Variants in LRP1B observed in about 807,000 individuals in gnomAD.
The protein encoded by LRP1B is low-density lipoprotein receptor-related protein 1B.
LRP1B carries 217 observed loss-of-function variants against 556.6 expected under a neutral mutation model. The ratio of observed to expected loss-of-function variants is 0.39; its 90% CI spans 0.35 to 0.44. The LOEUF is 0.44. LRP1B is among the 20% of genes least tolerant of loss of function. The pLI, the probability that LRP1B is intolerant of heterozygous loss-of-function variation, is 1.00. For missense variants in LRP1B, 5,053 were observed against 5,620.8 expected (o/e 0.90, Z 3.23); for synonymous variants, 2,047 against 1,865.8 (o/e 1.10, Z -2.50).
At chr2:140,581,694 C>T (rs917970590) in intron 43 of LRP1B, among the ~76,000 whole-genome samples, 3 of 152,004 alleles carry the variant, frequency 2.0e-5, no homozygotes, top group Non-Finnish European at 4.4e-5. Context: ...CAAATTATAG[C>T]TAAATAGTAT....
chr2:140,239,476 C>A lies in LRP1B; in HGVS notation c.13381G>T (p.Val4461Leu), dbSNP rs149112195. 1.0e-5 allele frequency: 16 copies of A among 1,604,140 alleles called. No homozygotes were observed. In the African/African-American group the frequency reaches 2.2e-4, roughly 22 times the overall value. The change falls in exon 88 of 91, where the codon GTA becomes TTA. Residue 4461 changes from valine (V) to leucine (L), a missense_variant. Around this residue, in one of 5 missense-constraint regions of LRP1B, gnomAD observed 551 missense variants for 592.0 expected, o/e 0.93. Transcript: ENST00000389484. Reference protein sequence around the residue: ...VLLVTLITTLVIGLVLCKRKR... With the variant: ...VLLVTLITTLLIGLVLCKRKR... The stretch of plus-strand genomic sequence containing the variant: ...CTTTTACAAAGCACTAAACCAATTA[C>A]TAAGGTGGTTATCAAAGTCACCAAG...
rs114144749 is a variant in LRP1B at position 141,407,643 on chromosome 2, C to T, written c.343+72753G>A. Among the ~76,000 whole-genome samples the T allele has an allele frequency of 4.3e-3, 661 of 152,210 alleles. 2 individuals are homozygous for T. The highest frequency in any genetic ancestry group is 0.015 in the African/African-American group (610 of 41,534). On this transcript the variant is annotated intron_variant, in intron 3 of 90. Coordinates refer to ENST00000389484, the MANE Select transcript of LRP1B (RefSeq NM_018557.3). ...TCTCTCTCACTTGCTCCTGCTTTCA[C>T]CATGTGGCATGCTTGTTCTCCCTTC... is the stretch of plus-strand genomic sequence containing the variant.
chr2:140,957,232 T>C (rs891878806), intron 18 of LRP1B, among the ~76,000 whole-genome samples: 18 of 151,694 alleles, frequency 1.2e-4, no homozygotes, highest in Non-Finnish European at 3.0e-5. Context: ...ATGAATAATA[T>C]GTTTGAATTA....
chr2:140,942,232 G>T (rs776473294), intron 20 of LRP1B, among the ~76,000 whole-genome samples: 1 of 151,988 alleles, frequency 6.6e-6, no homozygotes, highest in Non-Finnish European at 1.5e-5. Flanking sequence ...ACGCAGTCAC[G>T]CAAAAATAAA....
chr2:141,331,412 T>A (rs1245793128), intron 3 of LRP1B, among the ~76,000 whole-genome samples: 1 of 152,170 alleles, frequency 6.6e-6, no homozygotes, highest in Admixed American at 6.5e-5. Flanking sequence ...GAGATGGGAA[T>A]TGGCAGATGT....
intron 2 of LRP1B, among the ~76,000 whole-genome samples, chr2:141,803,385 C>T (rs1696074232): frequency 6.6e-6 from 1 of 151,784 alleles, no homozygotes. Context: ...CTTCCTATCC[C>T]CCCTGCATAT....
intron 1 of LRP1B, among the ~76,000 whole-genome samples, chr2:142,038,238 T>C (rs566519037): frequency 6.6e-6 from 1 of 151,728 alleles, no homozygotes; most frequent in African/African-American, 2.4e-5. Context: ...GTTGTTGGCA[T>C]CGGTTTTAAA....
intron 3 of LRP1B, among the ~76,000 whole-genome samples, chr2:141,367,642 C>G (rs1689093425): frequency 6.6e-6 from 1 of 151,420 alleles, no homozygotes; most frequent in Non-Finnish European, 1.5e-5. Flanking sequence ...GCCACCATGC[C>G]CGGCTAATTT....
chr2:140,654,982 G>A (rs1226228594), intron 41 of LRP1B, among the ~76,000 whole-genome samples: 1 of 151,074 alleles, frequency 6.6e-6, no homozygotes, highest in Non-Finnish European at 1.5e-5. Context: ...TCCTAGCTGG[G>A]CACAGTAGCC....
intron 41 of LRP1B, among the ~76,000 whole-genome samples, chr2:140,697,605 A>C (rs759821343): frequency 6.6e-6 from 1 of 152,150 alleles, no homozygotes; most frequent in Non-Finnish European, 1.5e-5. Flanking sequence ...TTATTCAGCC[A>C]TAAAAAGAAT....
chr2:140,995,179 A>G (rs1697207596), intron 15 of LRP1B, among the ~76,000 whole-genome samples: 1 of 151,582 alleles, frequency 6.6e-6, no homozygotes, highest in African/African-American at 2.4e-5. Context: ...GTCACTCACC[A>G]ATCAGAGTTT....
rs906439082 is a variant in LRP1B, at chr2:141,091,499, C to G, written c.1014-29226G>C. Among the ~76,000 whole-genome samples the G allele has an allele frequency of 3.9e-5, 6 of 152,184 alleles. No homozygotes were observed. The East Asian group carries it at 5.8e-4, about 15-fold the overall frequency. On this transcript the variant is annotated intron_variant, in intron 7 of 90. Coordinates refer to ENST00000389484, the MANE Select transcript of LRP1B (RefSeq NM_018557.3). Reference sequence around the variant, plus strand: ...TCCTCTCCACGTGCACAGTGATTTTCTCCAGGGACTCGTTTCCTCCCACAT... The same window carrying G: ...TCCTCTCCACGTGCACAGTGATTTTGTCCAGGGACTCGTTTCCTCCCACAT...
chr2:141,221,784 C>T (rs2105277555), intron 6 of LRP1B, among the ~76,000 whole-genome samples: 1 of 152,194 alleles, frequency 6.6e-6, no homozygotes, highest in African/African-American at 2.4e-5. Context: ...CACTGAAAAT[C>T]ACAAAACCAC....
chr2:140,348,896 C>T (rs1446455867), intron 77 of LRP1B, among the ~76,000 whole-genome samples: 1 of 152,046 alleles, frequency 6.6e-6, no homozygotes, highest in African/African-American at 2.4e-5. Context: ...CTTTCTGGCA[C>T]CAGGGACCAG....
chr2:140,703,267 T>C (rs1401717717), intron 37 of LRP1B, among the ~76,000 whole-genome samples: 1 of 152,176 alleles, frequency 6.6e-6, no homozygotes, highest in East Asian at 1.9e-4. Context: ...TAAAACAAAA[T>C]GTAATGGGGG....
chr2:140,746,574 G>A (rs906570848), intron 35 of LRP1B, among the ~76,000 whole-genome samples: 5 of 152,140 alleles, frequency 3.3e-5, no homozygotes, highest in African/African-American at 1.2e-4. Flanking sequence ...TGCAAGTTAT[G>A]CTTCACAAGG....
intron 2 of LRP1B, among the ~76,000 whole-genome samples, chr2:141,793,624 A>G (rs2105667808): frequency 6.6e-6 from 1 of 151,988 alleles, no homozygotes; most frequent in East Asian, 1.9e-4. Context: ...AGCGAATAGC[A>G]TATGAAAACT....
chr2:141,385,535 A>G (rs920702786), intron 3 of LRP1B, among the ~76,000 whole-genome samples: 3 of 152,224 alleles, frequency 2.0e-5, no homozygotes, highest in Non-Finnish European at 4.4e-5. Flanking sequence ...TTATTGCAGA[A>G]CAAGAGCAGC....
Position 141,430,278 on chromosome 2 carries a change from G to A in LRP1B, c.343+50118C>T, listed in dbSNP as rs760773235. On this transcript the variant is annotated intron_variant, in intron 3 of 90. Coordinates refer to ENST00000389484, the MANE Select transcript of LRP1B (RefSeq NM_018557.3). Reference sequence around the variant, plus strand: ...TCTTAATGAATAACCTCACTCTTACGTTTCTATCTGCATAAAAGGCTCAAT... The same window carrying A: ...TCTTAATGAATAACCTCACTCTTACATTTCTATCTGCATAAAAGGCTCAAT... Among the ~76,000 whole-genome samples the A allele has an allele frequency of 2.9e-4, 44 of 152,152 alleles. 1 individual carries two copies. Among genetic ancestry groups the A allele is most frequent in the Middle Eastern group, 3.4e-3 (1 of 292 alleles).
Sources: allele counts gnomAD v4.1 joint callset (sites outside exome capture counted in the v4.1 genomes callset), GRCh38; gene constraint gnomAD v4.1.1; regional missense constraint gnomAD v4.1.1; transcripts MANE v1.5; gene names NCBI Gene and HGNC (gene_info 2026-07-23, HGNC 2026-07-21).